Variants in EYA4 observed in about 807,000 individuals in gnomAD.
EYA4 encodes protein phosphatase EYA4.
A neutral mutation model predicts 87.9 loss-of-function variants in EYA4; 31 were observed. The observed-to-expected ratio is 0.35, with a 90% CI of 0.27 to 0.48. EYA4 has a LOEUF of 0.48. EYA4 is among the 20% of genes least tolerant of loss of function. The pLI, the probability that EYA4 is intolerant of heterozygous loss-of-function variation, is 0.99. For synonymous variants in EYA4, 263 were observed against 270.6 expected, an observed-to-expected ratio of 0.97 and a Z score of 0.28; for missense variants, 678 against 761.4, an observed-to-expected ratio of 0.89 and a Z score of 1.29.
At chr6:133,414,882 G>A (rs988441106) in intron 3 of EYA4, among the ~76,000 whole-genome samples, 2 of 152,120 alleles carry the variant, frequency 1.3e-5, no homozygotes, top group Admixed American at 6.5e-5. Context: ...GGTGGGTGAC[G>A]TTATATGTCA....
chr6:133,327,321 G>T (rs925886660), intron 2 of EYA4, among the ~76,000 whole-genome samples: 1 of 151,678 alleles, frequency 6.6e-6, no homozygotes, highest in Non-Finnish European at 1.5e-5. Flanking sequence ...GAGTAGAGAC[G>T]GGGTTTCAGC....
At chr6:133,262,190 A>G (rs1316777914) in intron 1 of EYA4, among the ~76,000 whole-genome samples, 1 of 152,220 alleles carries the variant, frequency 6.6e-6, no homozygotes, top group African/African-American at 2.4e-5. Flanking sequence ...AGCAATATAT[A>G]TAGTCATATA....
chr6:133,356,787 GTGTGTATATA>G (rs201645662), intron 2 of EYA4, among the ~76,000 whole-genome samples: 11,849 of 90,738 alleles, frequency 0.13, 528 homozygotes, highest in East Asian at 0.19. Flanking sequence ...GTGTGTGTGT[GTGTGTATATA>G]TATATTTTAT....
intron 1 of EYA4, among the ~76,000 whole-genome samples, chr6:133,264,000 T>A (rs562305742): frequency 1.3e-5 from 2 of 152,330 alleles, no homozygotes; most frequent in South Asian, 4.1e-4. Flanking sequence ...CAGTAGGGAA[T>A]GTACTCCCCC....
chr6:133,329,257 A>T (rs796683724), intron 2 of EYA4, among the ~76,000 whole-genome samples: 34 of 152,162 alleles, frequency 2.2e-4, no homozygotes, highest in African/African-American at 7.7e-4. Context: ...CATAAATTGG[A>T]TCCACGTTAA....
chr6:133,398,201 T>G (rs1787965708), intron 3 of EYA4, among the ~76,000 whole-genome samples: 1 of 152,236 alleles, frequency 6.6e-6, no homozygotes, highest in Admixed American at 6.5e-5. Flanking sequence ...TTATTTTCCA[T>G]GTTTGCAATT....
chr6:133,331,707 A>G (rs1781977654), intron 2 of EYA4, among the ~76,000 whole-genome samples: 1 of 152,200 alleles, frequency 6.6e-6, no homozygotes, highest in Admixed American at 6.5e-5. Context: ...GAACCTAGAG[A>G]GAGGATAATT....
intron 6 of EYA4, among the ~76,000 whole-genome samples, chr6:133,460,039 T>C (rs576002157): frequency 5.0e-4 from 76 of 152,238 alleles, no homozygotes; most frequent in African/African-American, 1.6e-3. Context: ...TATAGAAATA[T>C]ATCATGTTTC....
At chr6:133,253,968 A>G (rs1420690197) in intron 1 of EYA4, among the ~76,000 whole-genome samples, 5 of 152,182 alleles carry the variant, frequency 3.3e-5, no homozygotes, top group Non-Finnish European at 1.5e-5. Flanking sequence ...TTAGGTCCCA[A>G]ACCAGACATC....
chr6:133,324,375 A>T (rs116822943), intron 2 of EYA4, among the ~76,000 whole-genome samples: 1 of 152,162 alleles, frequency 6.6e-6, no homozygotes, highest in African/African-American at 2.4e-5. Flanking sequence ...ATCTTGGAAG[A>T]TCTTAAACTT....
chr6:133,392,382 A>G (rs1472386547), intron 3 of EYA4, among the ~76,000 whole-genome samples: 1 of 152,152 alleles, frequency 6.6e-6, no homozygotes, highest in African/African-American at 2.4e-5. Context: ...GCAATCAATA[A>G]CCTAGAGCCC....
chr6:133,375,968 A>T (rs1277995180), intron 2 of EYA4, among the ~76,000 whole-genome samples: 1 of 151,822 alleles, frequency 6.6e-6, no homozygotes, highest in African/African-American at 2.4e-5. Context: ...ATGCATTCAT[A>T]TAAGACTCTA....
At chr6:133,445,353 T>C (rs748355398) in intron 3 of EYA4, among the ~76,000 whole-genome samples, 3 of 152,140 alleles carry the variant, frequency 2.0e-5, no homozygotes, top group Non-Finnish European at 4.4e-5. Context: ...TTTACCTATA[T>C]ATTTACATTT....
At chr6:133,416,434 C>G (rs936423605) in intron 3 of EYA4, among the ~76,000 whole-genome samples, 2 of 152,084 alleles carry the variant, frequency 1.3e-5, no homozygotes, top group African/African-American at 4.8e-5. Flanking sequence ...CAATTAATAA[C>G]TGTCTATATT....
chr6:133,502,289 A>G (rs746678737), intron 13 of EYA4: 1 of 152,044 alleles, frequency 6.6e-6, no homozygotes. Flanking sequence ...TTTTTCCTCT[A>G]TCCAAGATTT....
At chr6:133,356,303 A>G (rs370020909) in intron 2 of EYA4, among the ~76,000 whole-genome samples, 40 of 152,298 alleles carry the variant, frequency 2.6e-4, no homozygotes, top group East Asian at 2.3e-3. Context: ...CACCAACATT[A>G]AAGTCAAGAG....
chr6:133,521,045 T>C (rs1264551761), intron 17 of EYA4, among the ~76,000 whole-genome samples: 2 of 151,526 alleles, frequency 1.3e-5, no homozygotes, highest in South Asian at 2.1e-4. Context: ...ATTCAGGACA[T>C]AGGCATGGGC....
chr6:133,426,957 C>G (rs1221018322), intron 3 of EYA4, among the ~76,000 whole-genome samples: 6 of 152,174 alleles, frequency 3.9e-5, no homozygotes, highest in African/African-American at 1.4e-4. Context: ...CATATTTTCT[C>G]TCTATATATC....
intron 2 of EYA4, among the ~76,000 whole-genome samples, chr6:133,361,199 A>G (rs1003405372): frequency 6.6e-6 from 1 of 152,190 alleles, no homozygotes; most frequent in Non-Finnish European, 1.5e-5. Flanking sequence ...TTTGTGAACA[A>G]CTTTAGAAGA....
Sources: allele counts gnomAD v4.1 joint callset (sites outside exome capture counted in the v4.1 genomes callset), GRCh38; gene constraint gnomAD v4.1.1; transcripts MANE v1.5; gene names NCBI Gene and HGNC (gene_info 2026-07-23, HGNC 2026-07-21).